BCAR3: variants seen among roughly 807,000 people sequenced by gnomAD.
The protein encoded by BCAR3 is BCAR3 adaptor protein, NSP family member.
A neutral mutation model predicts 80.1 loss-of-function variants in BCAR3; 37 were observed. The observed-to-expected ratio is 0.46, with a 90% CI of 0.36 to 0.61. BCAR3 has a LOEUF of 0.61. Among genes scored for constraint, BCAR3 ranks in the 20% least tolerant of loss-of-function variants. The pLI, the probability that BCAR3 is intolerant of heterozygous loss-of-function variation, is 0.00. For synonymous variants in BCAR3, 389 were observed against 418.9 expected (o/e 0.93, Z 0.87); for missense variants, 978 against 1,068.2 (o/e 0.92, Z 1.18).
At chr1:93,584,793 G>A (rs934840401) in intron 5 of BCAR3, among the ~76,000 whole-genome samples, 4 of 152,188 alleles carry the variant, frequency 2.6e-5, no homozygotes, top group African/African-American at 7.2e-5. Flanking sequence ...CAACACACTC[G>A]CTGTTATTCC....
chr1:93,613,209 C>G (rs939470166), intron 3 of BCAR3, among the ~76,000 whole-genome samples: 1 of 152,144 alleles, frequency 6.6e-6, no homozygotes, highest in Admixed American at 6.5e-5. Context: ...ATTCCTAGTG[C>G]GTCACAGGCA....
intron 2 of BCAR3, among the ~76,000 whole-genome samples, chr1:93,756,758 G>C (rs951839408): frequency 6.6e-6 from 1 of 152,192 alleles, no homozygotes; most frequent in Non-Finnish European, 1.5e-5. Flanking sequence ...ACACTCCAGG[G>C]AATGCCCAGG....
At chr1:93,787,535 A>T (rs186096786) in intron 2 of BCAR3, among the ~76,000 whole-genome samples, 26 of 152,296 alleles carry the variant, frequency 1.7e-4, no homozygotes, top group East Asian at 5.8e-4. Flanking sequence ...AGCTCAAAAA[A>T]TTTTTTAATT....
intron 3 of BCAR3, among the ~76,000 whole-genome samples, chr1:93,618,456 CTG>C (rs1675205564): frequency 6.6e-6 from 1 of 152,258 alleles, no homozygotes; most frequent in Admixed American, 6.5e-5. Flanking sequence ...AGATTTCTCT[CTG>C]CTGGGCCTTC....
chr1:93,809,369 A>C (rs893406911), intron 2 of BCAR3, among the ~76,000 whole-genome samples: 2 of 151,472 alleles, frequency 1.3e-5, no homozygotes, highest in African/African-American at 2.4e-5. Flanking sequence ...AAATGCTTAA[A>C]ATTTTCTTTG....
chr1:93,844,568 T>C (rs1484454520), intron 2 of BCAR3, among the ~76,000 whole-genome samples: 1 of 152,222 alleles, frequency 6.6e-6, no homozygotes, highest in African/African-American at 2.4e-5. Context: ...CAACACCCAC[T>C]GAATCTTTCT....
At chr1:93,708,929 T>A (rs1241177911) in intron 2 of BCAR3, among the ~76,000 whole-genome samples, 2 of 152,186 alleles carry the variant, frequency 1.3e-5, no homozygotes, top group East Asian at 3.8e-4. Context: ...TGATTTCTGT[T>A]GATGCTCGTG....
rs1268446489 is a variant in BCAR3, at chr1:93,582,591, G to C, written c.1396C>G (p.Pro466Ala). 6.2e-7 allele frequency: 1 copy of C among 1,613,576 alleles called. No individual in the cohort carries two copies. The highest frequency in any genetic ancestry group is 1.3e-5 in the African/African-American group (1 of 74,912). Residue 466 changes from proline (P) to alanine (A), a missense_variant, in exon 7 of 12, where the codon CCA becomes GCA. Coordinates refer to ENST00000260502, the MANE Select transcript of BCAR3 (RefSeq NM_003567.4). ...ELLTAKQNEAPGPRNSGVNYL... is the reference protein window; with the variant it reads ...ELLTAKQNEAAGPRNSGVNYL... ...TTGACGCCAGAGTTCCGGGGACCTG[G>C]CGCCTCATTCTGCTTGGCTGTGAGC...
At chr1:93,768,585 G>C (rs1652242233) in intron 2 of BCAR3, among the ~76,000 whole-genome samples, 1 of 152,162 alleles carries the variant, frequency 6.6e-6, no homozygotes, top group Non-Finnish European at 1.5e-5. Flanking sequence ...AGCTGGGAGT[G>C]CAATGTGATC....
chr1:93,620,314 C>T (rs1675269512), intron 3 of BCAR3, among the ~76,000 whole-genome samples: 1 of 152,224 alleles, frequency 6.6e-6, no homozygotes, highest in South Asian at 2.1e-4. Context: ...TCAAATACCA[C>T]ATATGGTTTT....
At chr1:93,707,529 G>A (rs1557661477) in intron 2 of BCAR3, among the ~76,000 whole-genome samples, 1 of 152,018 alleles carries the variant, frequency 6.6e-6, no homozygotes, top group South Asian at 2.1e-4. Flanking sequence ...GGCCAACATG[G>A]TGAAACCTCA....
intron 2 of BCAR3, among the ~76,000 whole-genome samples, chr1:93,787,842 G>A (rs1653004744): frequency 1.3e-5 from 2 of 152,168 alleles, no homozygotes; most frequent in African/African-American, 4.8e-5. Context: ...GTTCTAGGGT[G>A]TAGTTTAAAT....
intron 3 of BCAR3, among the ~76,000 whole-genome samples, chr1:93,616,092 A>C (rs932186387): frequency 1.3e-4 from 20 of 152,366 alleles, no homozygotes; most frequent in African/African-American, 4.8e-4. Flanking sequence ...CTCCACAGCC[A>C]GGGTAAAAAC....
chr1:93,688,415 C>CA (rs1649046987), intron 3 of BCAR3, among the ~76,000 whole-genome samples: 1 of 149,220 alleles, frequency 6.7e-6, no homozygotes, highest in Non-Finnish European at 1.5e-5. Flanking sequence ...TAATTACTAG[C>CA]TTTTTTTTTT....
At chr1:93,664,339 G>A (rs1336520623) in intron 2 of BCAR3, among the ~76,000 whole-genome samples, 3 of 152,102 alleles carry the variant, frequency 2.0e-5, no homozygotes, top group African/African-American at 4.8e-5. Flanking sequence ...GGCTTGTCTC[G>A]AACTCCTGAC....
At chr1:93,565,901 A>C (rs1042145337) in intron 11 of BCAR3, among the ~76,000 whole-genome samples, 2 of 152,210 alleles carry the variant, frequency 1.3e-5, no homozygotes, top group Admixed American at 1.3e-4. Flanking sequence ...GAATTTAAAA[A>C]ATTATATAGT....
Position 93,812,895 on chromosome 1 carries a change from C to T in BCAR3, c.-63+32672G>A, listed in dbSNP as rs570204237. Among the ~76,000 whole-genome samples the T allele has an allele frequency of 2.0e-5, 3 of 152,358 alleles. No individual in the cohort carries two copies. The South Asian group carries it at 6.2e-4, about 32-fold the overall frequency. On this transcript the variant is annotated intron_variant, in intron 2 of 13. Coordinates refer to the BCAR3 transcript ENST00000370244. ...TCCTCCAAGTGGTTCTAACACACAT[C>T]ATTGTCTATATCATCTCCATCGGCT...
intron 2 of BCAR3, among the ~76,000 whole-genome samples, chr1:93,716,583 T>C (rs1048558437): frequency 5.3e-5 from 8 of 152,148 alleles, no homozygotes; most frequent in African/African-American, 1.9e-4. Flanking sequence ...GCAAGATCAC[T>C]TGAGGGAGCT....
At chr1:93,721,909 G>A (rs1650419084) in intron 2 of BCAR3, among the ~76,000 whole-genome samples, 1 of 152,248 alleles carries the variant, frequency 6.6e-6, no homozygotes, top group South Asian at 2.1e-4. Context: ...GAGGACTAAA[G>A]GAGTTACCAT....
Sources: allele counts gnomAD v4.1 joint callset (sites outside exome capture counted in the v4.1 genomes callset), GRCh38; gene constraint gnomAD v4.1.1; transcripts MANE v1.5; gene names NCBI Gene and HGNC (gene_info 2026-07-23, HGNC 2026-07-21).